The following KLF17 variants were observed in gnomAD, a reference collection of about 807,000 sequenced individuals.
KLF17 encodes KLF transcription factor 17, also known as Krueppel-like factor 17.
KLF17 carries 31 observed loss-of-function variants against 34.2 expected under a neutral mutation model. The ratio of observed to expected loss-of-function variants is 0.91; its 90% CI spans 0.68 to 1.22. The LOEUF (loss-of-function observed/expected upper bound fraction) is 1.22. KLF17 is among the 50% of genes most tolerant of loss of function. The probability of loss-of-function intolerance (pLI) is 0.00; values close to 1 mark genes in which losing one functional copy is unlikely to be tolerated. For missense variants in KLF17, 478 were observed against 505.2 expected, an observed-to-expected ratio of 0.95 and a Z score of 0.52; for synonymous variants, 179 against 186.7, an observed-to-expected ratio of 0.96 and a Z score of 0.34.
chr1:44,092,706 C>A, the KLF17 span, among the ~76,000 whole-genome samples: 2 of 151,406 alleles, frequency 1.3e-5, no homozygotes, highest in Non-Finnish European at 2.9e-5. Context: ...TAGGCTCAAG[C>A]AATCCTCTCA....
the KLF17 span, among the ~76,000 whole-genome samples, chr1:44,111,578 T>C: frequency 6.6e-6 from 1 of 151,798 alleles, no homozygotes; most frequent in East Asian, 1.9e-4. Flanking sequence ...TTCAGTCAGC[T>C]TCTAATGTTA....
At chr1:44,119,640 T>A (rs2087924449) in intron 1 of KLF17, among the ~76,000 whole-genome samples, 1 of 152,144 alleles carries the variant, frequency 6.6e-6, no homozygotes, top group South Asian at 2.1e-4. Context: ...AGGAGACAGC[T>A]GAGACTCTGT....
chr1:44,071,993 G>T, the KLF17 span, among the ~76,000 whole-genome samples: 32 of 151,514 alleles, frequency 2.1e-4, no homozygotes, highest in Non-Finnish European at 4.0e-4. Context: ...TTTTTTTTTG[G>T]GGGGGGACGG....
At chr1:44,048,435 G>A in the KLF17 span, 2 of 152,274 alleles carry the variant, frequency 1.3e-5, no homozygotes, top group South Asian at 4.1e-4. Flanking sequence ...AAATAAAAGG[G>A]CTTTATGGGA....
rs747838181 is a variant in KLF17, at chr1:44,130,865, G to T, written c.*109G>T. The T allele has an allele frequency of 6.4e-4, 679 of 1,053,958 alleles. 1 individual carries two copies. The highest frequency in any genetic ancestry group is 8.9e-4 in the Non-Finnish European group (647 of 727,778). 65.3% of individuals were successfully genotyped at this position (1,053,958 alleles called of 1,614,324 possible). On this transcript the variant is annotated intron_variant, in intron 3 of 3. Coordinates refer to ENST00000372299, the MANE Select transcript of KLF17 (RefSeq NM_173484.4). ...AGGCTGGAGTGCAGTGGCGCAATTC[G>T]GTTCACTGCACCTTCCACCTCCCAG...
rs774318789 is a variant in KLF17 at position 44,130,550 on chromosome 1, T to C, written c.964T>C (p.Trp322Arg). Reference sequence around the variant, plus strand: ...TTCTTGCAACTGGGAAAGTTGTTCATGGTCTTTCTTCCGTTCTGATGAGCT... The same window carrying C: ...TTCTTGCAACTGGGAAAGTTGTTCACGGTCTTTCTTCCGTTCTGATGAGCT... ...PYSCNWESCS[W>R]SFFRSDELRR... The change falls in exon 3 of 4, where the codon TGG (tryptophan) becomes CGG (arginine). Residue 322 changes from tryptophan (W) to arginine (R), a missense_variant. By Grantham distance (101) the Trp-to-Arg change is moderately radical. Transcript: ENST00000372299. 9 of 1,614,166 alleles carry C rather than the reference T, an allele frequency of 5.6e-6. No individual in the cohort carries two copies. Among genetic ancestry groups the C allele is most frequent in the Non-Finnish European group, 7.6e-6 (9 of 1,180,010 alleles).
chr1:44,096,356 C>T, the KLF17 span, among the ~76,000 whole-genome samples: 2 of 151,660 alleles, frequency 1.3e-5, no homozygotes, highest in Admixed American at 6.6e-5. Flanking sequence ...ATTGCTCTGG[C>T]TAAGACTTCT....
the KLF17 span, among the ~76,000 whole-genome samples, chr1:44,074,478 C>A: frequency 3.9e-5 from 6 of 152,198 alleles, no homozygotes; most frequent in Non-Finnish European, 5.9e-5. Flanking sequence ...TGCCACCATA[C>A]CTTCCCCATT....
chr1:44,117,331 GC>G (rs2154311206), upstream of KLF17: 1 of 152,232 alleles, frequency 6.6e-6, no homozygotes, highest in East Asian at 1.9e-4. Flanking sequence ...GACCTCCTGG[GC>G]TCAAGTGGTC....
At chr1:44,115,450 C>CAAAAAAAAAAAAAAAA (rs34620805), upstream of KLF17, 3 of 74,662 alleles carry the variant, frequency 4.0e-5, no homozygotes, top group South Asian at 5.0e-4. Context: ...GACTCTGTGT[C>CAAAAAAAAAAAAAAAA]AAAAAAAAAA....
intron 1 of KLF17, among the ~76,000 whole-genome samples, chr1:44,121,857 C>T (rs1340730352): frequency 6.6e-6 from 1 of 152,172 alleles, no homozygotes; most frequent in African/African-American, 2.4e-5. Flanking sequence ...CCTCATTGAT[C>T]TCTCTGTAGA....
rs752591054 is a variant in KLF17, at chr1:44,129,340, C to CT, written c.82-8dup. On this transcript the variant is annotated splice_polypyrimidine_tract_variant and intron_variant, in intron 1 of 3. Transcript: ENST00000372299. ...GAATTTGAGCAAAAATCACCTGACT[C>CT]TTTTTCCCCAAGGATAACGAGAACT... 1 of 1,505,380 alleles carries CT rather than the reference C, an allele frequency of 6.6e-7. No individual in the cohort carries two copies. The highest frequency in any genetic ancestry group is 2.3e-5 in the Admixed American group (1 of 43,266). The allele number at this position is 1,505,380 out of a possible 1,614,324, so 93.3% of individuals were successfully genotyped here.
upstream of KLF17, chr1:44,114,102 C>G (rs1370044525): frequency 6.6e-6 from 1 of 152,358 alleles, no homozygotes; most frequent in Non-Finnish European, 1.5e-5. Context: ...TTCCAGATGT[C>G]CACGCAAAAA....
the KLF17 span, chr1:44,103,269 G>C: frequency 2.9e-6 from 2 of 695,578 alleles, no homozygotes; most frequent in Non-Finnish European, 5.2e-6. Flanking sequence ...TGGGGCAGCC[G>C]CAGGAGGGGC....
the KLF17 span, among the ~76,000 whole-genome samples, chr1:44,096,484 C>T: frequency 2.0e-5 from 3 of 150,970 alleles, no homozygotes; most frequent in South Asian, 2.1e-4. Context: ...CTGCAAGCTC[C>T]GCCTCCCAGG....
the KLF17 span, chr1:44,088,328 G>GCTAGC: frequency 1.3e-5 from 2 of 152,168 alleles, no homozygotes; most frequent in Non-Finnish European, 2.9e-5. Context: ...TGTTGGCTAG[G>GCTAGC]CTAGCCTTGA....
the KLF17 span, among the ~76,000 whole-genome samples, chr1:44,077,116 G>A: frequency 1.3e-5 from 2 of 151,692 alleles, no homozygotes; most frequent in East Asian, 2.0e-4. Context: ...AGGCCGAGGC[G>A]GGCAGATTAG....
chr1:44,095,210 CTTTTT>C, the KLF17 span, among the ~76,000 whole-genome samples: 38,017 of 119,066 alleles, frequency 0.32, 5,741 homozygotes, highest in Middle Eastern at 0.39. Context: ...CTATTTATAT[CTTTTT>C]TTTTTTTTTT....
chr1:44,111,662 G>A, the KLF17 span, among the ~76,000 whole-genome samples: 9 of 152,140 alleles, frequency 5.9e-5, no homozygotes, highest in African/African-American at 1.4e-4. Context: ...GGGAGGCCGA[G>A]GTGGGCGGAT....
Sources: gnomAD v4.1 joint callset for allele counts (sites outside exome capture counted in the v4.1 genomes callset) on GRCh38, gnomAD v4.1.1 for gene constraint, MANE v1.5 for transcripts, NCBI Gene and HGNC (gene_info 2026-07-23, HGNC 2026-07-21) for gene names.